The following GRIN2D variants were observed in gnomAD, a reference collection of about 807,000 sequenced individuals.
GRIN2D encodes the protein glutamate receptor ionotropic, NMDA 2D.
GRIN2D carries 37 observed loss-of-function variants against 103.2 expected under a neutral mutation model. The observed-to-expected ratio is 0.36, with a 90% CI of 0.28 to 0.47. The LOEUF is 0.47. Among genes scored for constraint, GRIN2D ranks in the 20% least tolerant of loss-of-function variants. GRIN2D has a pLI of 1.00. For synonymous variants in GRIN2D, 845 were observed against 885.6 expected (o/e 0.95, Z 0.81); for missense variants, 1,557 against 1,910.6 (o/e 0.81, Z 3.45).
intron 11 of GRIN2D, among the ~76,000 whole-genome samples, 175 bp downstream of exon 11, chr19:48,422,120 G>C (rs1177493639): frequency 6.6e-6 from 1 of 152,126 alleles, no homozygotes; most frequent in African/African-American, 2.4e-5. Context: ...CCAGGAGCAG[G>C]CTCCTTGGGA....
At chr19:48,416,334 A>T (rs1970949281) in intron 8 of GRIN2D, among the ~76,000 whole-genome samples, 179 bp downstream of exon 8, 1 of 152,216 alleles carries the variant, frequency 6.6e-6, no homozygotes, top group Admixed American at 6.5e-5. Context: ...AAGATGGAAG[A>T]AATAATTTCC....
chr19:48,402,456 G>A (rs1970728068), intron 3 of GRIN2D, among the ~76,000 whole-genome samples: 1 of 152,044 alleles, frequency 6.6e-6, no homozygotes, highest in Non-Finnish European at 1.5e-5. Context: ...GGTGGCTCAT[G>A]CCTGTAATCC....
intron 11 of GRIN2D, among the ~76,000 whole-genome samples, chr19:48,425,614 G>C (rs1971077123): frequency 1.3e-5 from 2 of 152,140 alleles, no homozygotes; most frequent in African/African-American, 4.8e-5. Context: ...TAGCAAGACA[G>C]ACCAGCCCCA....
intron 11 of GRIN2D, among the ~76,000 whole-genome samples, chr19:48,434,551 C>T (rs1168300792): frequency 6.6e-6 from 1 of 152,104 alleles, no homozygotes; most frequent in Non-Finnish European, 1.5e-5. Context: ...AGCCACCATG[C>T]CTGGCCCACT....
intron 11 of GRIN2D, among the ~76,000 whole-genome samples, chr19:48,423,481 A>G (rs1277217899): frequency 3.3e-5 from 5 of 152,020 alleles, no homozygotes; most frequent in Non-Finnish European, 7.4e-5. Flanking sequence ...GGGCTGGGAT[A>G]TTTTCACCAG....
At chr19:48,396,603 G>T (rs1970645040) in intron 2 of GRIN2D, among the ~76,000 whole-genome samples, 1 of 152,040 alleles carries the variant, frequency 6.6e-6, no homozygotes, top group African/African-American at 2.4e-5. Flanking sequence ...TTGGGGAAGG[G>T]CAATGGAAAG....
intron 11 of GRIN2D, among the ~76,000 whole-genome samples, chr19:48,434,983 T>C (rs1201735234): frequency 6.6e-6 from 1 of 152,242 alleles, no homozygotes; most frequent in Non-Finnish European, 1.5e-5. Context: ...TCTTGTATCA[T>C]GAACCTTGTT....
chr19:48,440,004 G>A (rs1034383431), intron 11 of GRIN2D, among the ~76,000 whole-genome samples: 1 of 152,060 alleles, frequency 6.6e-6, no homozygotes, highest in African/African-American at 2.4e-5. Context: ...CTGAGGTCAG[G>A]AGTTCAAGAC....
chr19:48,433,423 A>G (rs1477168356), intron 11 of GRIN2D, among the ~76,000 whole-genome samples: 1 of 152,202 alleles, frequency 6.6e-6, no homozygotes, highest in Non-Finnish European at 1.5e-5. Flanking sequence ...AAATAGCCAT[A>G]TGTGGCGAGC....
In GRIN2D at chr19:48,442,081, T is replaced by C; in HGVS notation, c.2441-69T>C. ...GGGAGGAAGGGGCTAAGGGCCTACA[T>C]TCCCACATCACAGACAAGGGTCCTC... On this transcript the variant is annotated intron_variant, in intron 12 of 13. Transcript: ENST00000263269. This position sits in a 1 kb window ranked among gnomAD's most constrained non-coding sequence, Gnocchi z 7.2. The C allele has an allele frequency of 6.5e-7, 1 of 1,532,966 alleles. No homozygotes were observed. Among genetic ancestry groups the C allele is most frequent in the Admixed American group, 1.7e-5 (1 of 58,184 alleles). The allele number at this position is 1,532,966 out of a possible 1,614,324, so 95.0% of individuals were successfully genotyped here.
At chr19:48,415,934 C>T in intron 7 of GRIN2D, 68 bp from the exon 8 acceptor site, 2 of 1,443,134 alleles carry the variant, frequency 1.4e-6, no homozygotes, top group Admixed American at 1.7e-5. Context: ...CGTCTCTGCT[C>T]GCCGTCCGTG....
chr19:48,405,254 G>T lies in GRIN2D; in HGVS notation c.986G>T (p.Arg329Ile). 1 of 1,598,794 alleles carries T rather than the reference G, an allele frequency of 6.3e-7. No homozygotes were observed. ...RVAAGVAVVA[R>I]GAQALLRDYG... is the part of the protein sequence containing the mutation. ...GCAGCTGGCGTGGCCGTAGTGGCCAGAGGTGCCCAGGCCCTGCTGCGTGAT... is the reference window on the plus strand; with the variant it reads ...GCAGCTGGCGTGGCCGTAGTGGCCATAGGTGCCCAGGCCCTGCTGCGTGAT... Residue 329 changes from arginine to isoleucine, a missense_variant, in exon 4 of 14, where the codon AGA (arginine) becomes ATA (isoleucine). Physicochemically the swap from Arg to Ile is moderately conservative, Grantham distance 97 (BLOSUM62 -3). Transcript: ENST00000263269. This position sits in a 1 kb window ranked among gnomAD's most constrained non-coding sequence, Gnocchi z 5.1.
intron 11 of GRIN2D, among the ~76,000 whole-genome samples, chr19:48,430,324 C>T (rs778563721): frequency 3.5e-4 from 53 of 152,204 alleles, no homozygotes; most frequent in Non-Finnish European, 6.6e-4. Context: ...CTCAGCCTCC[C>T]GATTAGCTGG....
At chr19:48,441,695 T>A in intron 11 of GRIN2D, 74 bp from the exon 12 acceptor site, 3 of 1,236,500 alleles carry the variant, frequency 2.4e-6, no homozygotes, top group South Asian at 1.4e-5. Context: ...AGGTTACAGG[T>A]GAGGAGGTTC....
chr19:48,439,163 A>G (rs1406041670), intron 11 of GRIN2D, among the ~76,000 whole-genome samples: 2 of 148,298 alleles, frequency 1.3e-5, no homozygotes, highest in African/African-American at 2.5e-5. Flanking sequence ...CTGAGGCAGG[A>G]GGATTGCTTC....
chr19:48,432,169 C>G (rs1439394367), intron 11 of GRIN2D, among the ~76,000 whole-genome samples: 1 of 151,766 alleles, frequency 6.6e-6, no homozygotes, highest in Non-Finnish European at 1.5e-5. Flanking sequence ...CTCAGCCTCC[C>G]AAAGTGCTGG....
At chr19:48,406,365 T>A (rs896582293) in intron 4 of GRIN2D, among the ~76,000 whole-genome samples, 1 of 152,160 alleles carries the variant, frequency 6.6e-6, no homozygotes, top group African/African-American at 2.4e-5. Flanking sequence ...ACAGAGTTTG[T>A]TGGAAAATAG....
chr19:48,419,485 C>CT (rs1014429880), intron 9 of GRIN2D, 100 bp from the exon 10 acceptor site: 16 of 1,378,822 alleles, frequency 1.2e-5, no homozygotes, highest in South Asian at 3.9e-5. Flanking sequence ...TGCCAGATGC[C>CT]TTGAGGGCCA....
chr19:48,405,260 C>A lies in GRIN2D; in HGVS notation c.992C>A (p.Ala331Asp). 1 of 1,598,768 alleles carries A rather than the reference C, an allele frequency of 6.3e-7. No individual in the cohort carries two copies. Among genetic ancestry groups the A allele is most frequent in the Non-Finnish European group, 8.5e-7 (1 of 1,177,598 alleles). Residue 331 changes from alanine to aspartate, a missense_variant, in exon 4 of 14, where the codon GCC becomes GAC. Physicochemically the swap from Ala to Asp is moderately radical, Grantham distance 126. This residue lies in a region of GRIN2D where 490 missense variants were observed against 601.1 expected (regional missense o/e 0.82). Coordinates refer to ENST00000263269, the MANE Select transcript of GRIN2D (RefSeq NM_000836.4). The surrounding 1 kb of genome is among the most constrained non-coding windows in gnomAD (Gnocchi z 5.1). Reference protein sequence around the residue: ...AAGVAVVARGAQALLRDYGFL... With the variant: ...AAGVAVVARGDQALLRDYGFL... The stretch of plus-strand genomic sequence containing the variant: ...GGCGTGGCCGTAGTGGCCAGAGGTG[C>A]CCAGGCCCTGCTGCGTGATTATGGT...
Sources: gnomAD v4.1 joint callset for allele counts (sites outside exome capture counted in the v4.1 genomes callset) on GRCh38, gnomAD v4.1.1 for gene constraint, gnomAD v4.1.1 regional missense constraint, Gnocchi (gnomAD v3.1) non-coding constraint, MANE v1.5 for transcripts, NCBI Gene and HGNC (gene_info 2026-07-23, HGNC 2026-07-21) for gene names.